The following CNTN4 variants were observed in gnomAD, a reference collection of about 807,000 sequenced individuals.
CNTN4 encodes the protein contactin 4.
Under a neutral mutation model 122.5 loss-of-function variants are expected in CNTN4, and 77 were observed. That is an observed-to-expected ratio of 0.63 (90% confidence interval 0.52 to 0.76). The LOEUF is 0.76. CNTN4 is among the 30% of genes least tolerant of loss of function. The pLI is 0.00. For synonymous variants in CNTN4, 512 were observed against 447.0 expected, an observed-to-expected ratio of 1.15 and a Z score of -1.83; for missense variants, 1,256 against 1,259.1, an observed-to-expected ratio of 1.00 and a Z score of 0.04.
intron 12 of CNTN4, among the ~76,000 whole-genome samples, chr3:2,919,507 G>A (rs1466188131): frequency 2.0e-5 from 3 of 152,134 alleles, no homozygotes; most frequent in African/African-American, 7.2e-5. Context: ...TTGCCTTCAA[G>A]GAACTGATGT....
chr3:2,804,361 C>T (rs1039852633), intron 6 of CNTN4, among the ~76,000 whole-genome samples: 1 of 152,114 alleles, frequency 6.6e-6, no homozygotes, highest in Non-Finnish European at 1.5e-5. Context: ...GCAAGACAGC[C>T]TGGGTTAGTA....
chr3:2,880,996 TATC>T (rs2061525500), intron 8 of CNTN4, among the ~76,000 whole-genome samples: 1 of 152,128 alleles, frequency 6.6e-6, no homozygotes, highest in Admixed American at 6.5e-5. Flanking sequence ...AACCAAATGA[TATC>T]AAAGGTCCCT....
At chr3:2,388,650 A>G (rs1370206425) in intron 3 of CNTN4, among the ~76,000 whole-genome samples, 1 of 151,572 alleles carries the variant, frequency 6.6e-6, no homozygotes, top group Admixed American at 6.6e-5. Flanking sequence ...TTTAAGACCA[A>G]CCGGGCCAAT....
intron 3 of CNTN4, among the ~76,000 whole-genome samples, chr3:2,507,444 G>A (rs1044202402): frequency 2.6e-5 from 4 of 151,826 alleles, no homozygotes; most frequent in Non-Finnish European, 5.9e-5. Context: ...GGCTGGGTGC[G>A]GTGGCTCATG....
chr3:2,903,220 C>T (rs1041704293), intron 12 of CNTN4, among the ~76,000 whole-genome samples: 6 of 152,156 alleles, frequency 3.9e-5, no homozygotes, highest in African/African-American at 9.7e-5. Context: ...ACAATGGGGA[C>T]CATGCTTCCC....
chr3:2,727,762 G>A (rs961162370), intron 4 of CNTN4, among the ~76,000 whole-genome samples: 4 of 152,176 alleles, frequency 2.6e-5, no homozygotes, highest in Admixed American at 6.5e-5. Context: ...CAAAGAAATC[G>A]TCTGAGAAGA....
intron 13 of CNTN4, among the ~76,000 whole-genome samples, chr3:2,932,978 A>G (rs1030050275): frequency 2.6e-5 from 4 of 151,936 alleles, no homozygotes; most frequent in African/African-American, 9.7e-5. Flanking sequence ...ACCCACCACT[A>G]TGCCCGGCTA....
intron 10 of CNTN4, among the ~76,000 whole-genome samples, chr3:2,896,407 G>C (rs1383954872): frequency 1.3e-5 from 2 of 152,120 alleles, no homozygotes; most frequent in African/African-American, 4.8e-5. Flanking sequence ...AGACTGATTG[G>C]TGTGTGGGGA....
In CNTN4 at chr3:2,342,656, C is replaced by T. The variant is rs190586917; in HGVS notation, c.-89+3423C>T. Among the ~76,000 whole-genome samples the T allele has an allele frequency of 4.3e-3, 652 of 152,172 alleles. 4 individuals are homozygous for T. The highest frequency in any genetic ancestry group is 0.014 in the Middle Eastern group (4 of 294). On this transcript the variant is annotated intron_variant, in intron 3 of 24. Coordinates refer to ENST00000418658, the MANE Select transcript of CNTN4 (RefSeq NM_175607.3). ...CTGATAGTATTAGAAGGGTCTTTCC[C>T]CTCACTTCACTCTCACTATTCTTCC...
chr3:2,537,551 C>G (rs2077859354), intron 3 of CNTN4, among the ~76,000 whole-genome samples: 1 of 152,010 alleles, frequency 6.6e-6, no homozygotes, highest in South Asian at 2.1e-4. Context: ...TGAAAACTGT[C>G]CACTGTTCAC....
chr3:2,585,303 T>C (rs1481463548), intron 4 of CNTN4, among the ~76,000 whole-genome samples: 1 of 151,362 alleles, frequency 6.6e-6, no homozygotes, highest in Non-Finnish European at 1.5e-5. Context: ...GATCTAGAAC[T>C]AGAAATACCA....
At chr3:3,031,250 A>G (rs1699138692) in intron 16 of CNTN4, among the ~76,000 whole-genome samples, 2 of 152,200 alleles carry the variant, frequency 1.3e-5, no homozygotes, top group Non-Finnish European at 2.9e-5. Flanking sequence ...TGGAGTTGAT[A>G]TGACCTTCTA....
intron 13 of CNTN4, among the ~76,000 whole-genome samples, chr3:2,983,339 T>C (rs535351321): frequency 6.6e-6 from 1 of 150,750 alleles, no homozygotes; most frequent in African/African-American, 2.4e-5. Context: ...CTGTGTCTAT[T>C]TGGTGTCACC....
intron 2 of CNTN4, among the ~76,000 whole-genome samples, chr3:2,318,305 A>G (rs948258583): frequency 3.3e-5 from 5 of 152,092 alleles, no homozygotes; most frequent in African/African-American, 9.7e-5. Flanking sequence ...GAAAAGATAT[A>G]TAATATGCTA....
rs571895681 is a variant in CNTN4 at position 2,588,340 on chromosome 3, ATTC to A, written c.55+16785_55+16787del. Among the ~76,000 whole-genome samples the A allele has an allele frequency of 3.3e-5, 5 of 152,192 alleles. No individual in the cohort carries two copies. The East Asian group carries it at 5.8e-4, about 18-fold the overall frequency. ...GAATTAAGTGAAAGAGGAGTGACTT[ATTC>A]TTAAGTGAGTTAGGTTTTGTTTGTT... On this transcript the variant is annotated intron_variant, in intron 4 of 24. Transcript: ENST00000418658.
At position 3,053,965 on chromosome 3, in the gene CNTN4, A is replaced by C; in HGVS notation, c.2970A>C (p.Pro990=). 1 of 1,614,226 alleles carries C rather than the reference A, an allele frequency of 6.2e-7. No homozygotes were observed. Among genetic ancestry groups the C allele is most frequent in the South Asian group, 1.1e-5 (1 of 91,084 alleles). The change falls in exon 24 of 25, where the codon CCA becomes CCC. Residue 990 remains proline, a synonymous_variant. Transcript: ENST00000418658. ...DGSSSEQIRI[P]KISNAYARGS... The stretch of plus-strand genomic sequence containing the variant: ...GCAGCAGTGAACAAATTCGAATTCC[A>C]AAGATATCAAGTGAGAATGCCTTTT...
intron 3 of CNTN4, among the ~76,000 whole-genome samples, chr3:2,529,590 TAAA>T (rs2077522313): frequency 1.3e-5 from 2 of 152,172 alleles, no homozygotes; most frequent in African/African-American, 4.8e-5. Context: ...ACAGAGCCAA[TAAA>T]ATGACATAGC....
chr3:2,729,120 T>C, intron 4 of CNTN4, among the ~76,000 whole-genome samples: 1 of 152,298 alleles, frequency 6.6e-6, no homozygotes. Flanking sequence ...TTGCAACAGA[T>C]GGAAATACTT....
rs1387282029 is a variant in CNTN4, at chr3:2,551,771, GT to G, written c.-88-19643del. Among the ~76,000 whole-genome samples, 4 of 152,176 alleles carry G rather than the reference GT, an allele frequency of 2.6e-5. No individual in the cohort carries two copies. In the East Asian group the frequency reaches 7.7e-4, roughly 29 times the overall value. ...TAACTTTTCTCTCATCTCAGTTTCTGTTAGAGAATTATGCATAATGGATTGT... is the reference window on the plus strand; with the variant it reads ...TAACTTTTCTCTCATCTCAGTTTCTGTAGAGAATTATGCATAATGGATTGT... On this transcript the variant is annotated intron_variant, in intron 3 of 24. Transcript: ENST00000418658.
Sources: gnomAD v4.1 joint callset for allele counts (sites outside exome capture counted in the v4.1 genomes callset) on GRCh38, gnomAD v4.1.1 for gene constraint, MANE v1.5 for transcripts, NCBI Gene and HGNC (gene_info 2026-07-23, HGNC 2026-07-21) for gene names.